Variants in NBAS observed in about 807,000 individuals in gnomAD.
NBAS encodes NBAS subunit of NRZ tethering complex.
NBAS carries 219 observed loss-of-function variants against 302.5 expected under a neutral mutation model. That is an observed-to-expected ratio of 0.72 (90% CI 0.65 to 0.81). The LOEUF (loss-of-function observed/expected upper bound fraction) is 0.81. Ranked by LOEUF, NBAS falls within the 30% of genes least tolerant of loss-of-function variation. NBAS has a pLI of 0.00. For missense variants in NBAS, 2,932 were observed against 2,841.6 expected, an observed-to-expected ratio of 1.03 and a Z score of -0.72; for synonymous variants, 1,118 against 1,021.6, an observed-to-expected ratio of 1.09 and a Z score of -1.80.
At chr2:15,294,762 G>C (rs2148118905) in intron 40 of NBAS, among the ~76,000 whole-genome samples, 1 of 152,294 alleles carries the variant, frequency 6.6e-6, no homozygotes, top group African/African-American at 2.4e-5. Flanking sequence ...TGGCAGGAGA[G>C]CTCTTTTCAG....
chr2:14,811,274 G>A, the NBAS span, among the ~76,000 whole-genome samples: 39 of 152,218 alleles, frequency 2.6e-4, no homozygotes, highest in Non-Finnish European at 1.5e-4. Context: ...GCCAGGCATG[G>A]TGGCGCATGT....
At chr2:15,206,625 G>A (rs963858018) in intron 48 of NBAS, among the ~76,000 whole-genome samples, 6 of 152,220 alleles carry the variant, frequency 3.9e-5, no homozygotes, top group East Asian at 1.9e-4. Context: ...GGCCCAGGGC[G>A]CCACTGCTCT....
chr2:15,297,130 C>A (rs1198838521), intron 40 of NBAS, among the ~76,000 whole-genome samples: 1 of 152,214 alleles, frequency 6.6e-6, no homozygotes, highest in East Asian at 1.9e-4. Flanking sequence ...CTCTGTAGGA[C>A]AGGCATCTCT....
At chr2:15,344,969 T>A (rs751472808) in intron 35 of NBAS, among the ~76,000 whole-genome samples, 1 of 152,274 alleles carries the variant, frequency 6.6e-6, no homozygotes, top group East Asian at 1.9e-4. Flanking sequence ...CATCCCTTCA[T>A]GTTAAAAATT....
the NBAS span, among the ~76,000 whole-genome samples, chr2:14,809,029 A>T: frequency 6.6e-6 from 1 of 152,214 alleles, no homozygotes; most frequent in Non-Finnish European, 1.5e-5. Flanking sequence ...TAGAGTATCT[A>T]GCAGAAGGAA....
At chr2:15,553,729 G>A (rs1438264487) in intron 4 of NBAS, among the ~76,000 whole-genome samples, 5 of 70,498 alleles carry the variant, frequency 7.1e-5, no homozygotes, top group African/African-American at 1.1e-4. Flanking sequence ...TCTCCCCCTC[G>A]CTCCCTCCCA....
At chr2:15,510,303 G>C (rs1662079655) in intron 10 of NBAS, among the ~76,000 whole-genome samples, 1 of 152,174 alleles carries the variant, frequency 6.6e-6, no homozygotes, top group Admixed American at 6.5e-5. Context: ...TTGAAGCTAG[G>C]AGGGGCCATA....
chr2:15,107,095 C>T, the NBAS span, among the ~76,000 whole-genome samples: 1 of 152,082 alleles, frequency 6.6e-6, no homozygotes, highest in African/African-American at 2.4e-5. Context: ...ATCCTTTGGA[C>T]TGAATTATAT....
chr2:15,111,032 C>A, the NBAS span, among the ~76,000 whole-genome samples: 145 of 152,048 alleles, frequency 9.5e-4, no homozygotes, highest in Non-Finnish European at 2.6e-4. Context: ...TCAGTGGTAC[C>A]CAATATAGTT....
At chr2:15,416,037 A>C (rs560864842) in intron 24 of NBAS, among the ~76,000 whole-genome samples, 1 of 152,226 alleles carries the variant, frequency 6.6e-6, no homozygotes, top group Non-Finnish European at 1.5e-5. Flanking sequence ...CTGCTACTAC[A>C]ACTCAGTCAT....
the NBAS span, among the ~76,000 whole-genome samples, chr2:14,947,896 G>A: frequency 1.3e-5 from 2 of 151,512 alleles, no homozygotes; most frequent in South Asian, 4.2e-4. Flanking sequence ...TTTGTTCTTG[G>A]TTCTGTTAAT....
At chr2:15,348,606 A>G (rs895876375) in intron 35 of NBAS, among the ~76,000 whole-genome samples, 5 of 152,170 alleles carry the variant, frequency 3.3e-5, no homozygotes, top group African/African-American at 9.7e-5. Context: ...TTCCATGCTC[A>G]ACAGAAAAAT....
At chr2:14,871,887 T>C in the NBAS span, among the ~76,000 whole-genome samples, 1 of 152,168 alleles carries the variant, frequency 6.6e-6, no homozygotes, top group Admixed American at 6.5e-5. Flanking sequence ...AATCCAATCA[T>C]GTCAATTATC....
At chr2:14,871,515 C>T in the NBAS span, among the ~76,000 whole-genome samples, 2 of 151,850 alleles carry the variant, frequency 1.3e-5, no homozygotes, top group Non-Finnish European at 2.9e-5. Flanking sequence ...ATCAGAAATG[C>T]AAAAACATGG....
chr2:15,429,607 C>T (rs780349499), intron 21 of NBAS, among the ~76,000 whole-genome samples: 2 of 152,170 alleles, frequency 1.3e-5, no homozygotes, highest in Non-Finnish European at 2.9e-5. Flanking sequence ...TCAACAGCAT[C>T]ACCCTTGCAG....
chr2:15,097,352 T>C, the NBAS span, among the ~76,000 whole-genome samples: 4 of 152,146 alleles, frequency 2.6e-5, no homozygotes, highest in Non-Finnish European at 5.9e-5. Context: ...CAGTGGAGGC[T>C]GAGAGGGGGC....
At chr2:15,100,276 C>G in the NBAS span, among the ~76,000 whole-genome samples, 1,427 of 152,310 alleles carry the variant, frequency 9.4e-3, 18 homozygotes, top group African/African-American at 0.028. Flanking sequence ...ATAATAGTAA[C>G]TGTTCTACAG....
In NBAS at chr2:15,474,236, T is replaced by C. The variant is rs1680087892; in HGVS notation, c.1430A>G (p.Tyr477Cys). The C allele has an allele frequency of 6.2e-7, 1 of 1,614,132 alleles. No individual in the cohort carries two copies. Among genetic ancestry groups the C allele is most frequent in the Non-Finnish European group, 8.5e-7 (1 of 1,180,000 alleles). ...GTAGCGAGCCTTGGCAGATATTTCATAATCAGAATCAGAATCCTCTTCTCC... is the reference window on the plus strand; with the variant it reads ...GTAGCGAGCCTTGGCAGATATTTCACAATCAGAATCAGAATCCTCTTCTCC... ...DEGEEDSDSD[Y>C]EISAKARYFG... Residue 477 changes from tyrosine (Y) to cysteine (C), a missense_variant, in exon 15 of 52, where the codon TAT becomes TGT. Transcript: ENST00000281513.
At chr2:15,387,479 AAG>A (rs1675361761) in intron 28 of NBAS, among the ~76,000 whole-genome samples, 1 of 152,210 alleles carries the variant, frequency 6.6e-6, no homozygotes, top group Admixed American at 6.5e-5. Flanking sequence ...ACAATATAGA[AAG>A]AGACAAAATG....
Sources: allele counts gnomAD v4.1 joint callset (sites outside exome capture counted in the v4.1 genomes callset), GRCh38; gene constraint gnomAD v4.1.1; transcripts MANE v1.5; gene names NCBI Gene and HGNC (gene_info 2026-07-23, HGNC 2026-07-21).